The following NECTIN2 variants were observed in gnomAD, a reference collection of about 807,000 sequenced individuals.
The protein encoded by NECTIN2 is nectin cell adhesion molecule 2.
In NECTIN2, 23 loss-of-function variants were observed where a neutral mutation model predicts 56.9. That is an observed-to-expected ratio of 0.40 (90% CI 0.29 to 0.57). The LOEUF is 0.57. NECTIN2 is among the 20% of genes least tolerant of loss of function. The probability of loss-of-function intolerance (pLI) is 0.38; values close to 1 mark genes in which losing one functional copy is unlikely to be tolerated. For missense variants in NECTIN2, 587 were observed against 718.3 expected (o/e 0.82, Z 2.09); for synonymous variants, 302 against 313.8 (o/e 0.96, Z 0.40).
chr19:44,887,644 T>C (rs1435444846), intron 8 of NECTIN2, among the ~76,000 whole-genome samples: 1 of 151,924 alleles, frequency 6.6e-6, no homozygotes, highest in African/African-American at 2.4e-5. Flanking sequence ...AAACTCCGTC[T>C]CAACAACAAA....
chr19:44,886,271 C>T lies in NECTIN2; in HGVS notation c.1347+52C>T, dbSNP rs564167167. On this transcript the variant is annotated intron_variant, in intron 8 of 8. Transcript: ENST00000252483. ...GGGTTGGGGGTCTGGGTTGAAGGGC[C>T]AGGGGTCAGGCCTGGCAAAAGAGGT... is the stretch of plus-strand genomic sequence containing the variant. 2.1e-4 allele frequency: 303 copies of T among 1,461,890 alleles called. 2 individuals are homozygous for T. Among genetic ancestry groups the T allele is most frequent in the East Asian group, 1.1e-4 (5 of 43,980 alleles). 90.6% of individuals were successfully genotyped at this position (1,461,890 alleles called of 1,614,324 possible). A position where few individuals can be genotyped will look rare whatever the true frequency, so the allele number is the denominator to read the frequency against.
At chr19:44,868,744 T>C (rs1266480671) in intron 2 of NECTIN2, among the ~76,000 whole-genome samples, 3 of 151,714 alleles carry the variant, frequency 2.0e-5, no homozygotes, top group Non-Finnish European at 2.9e-5. Context: ...AAACCCCATC[T>C]CTACTAAAAA....
Position 44,846,621 on chromosome 19 carries a change from G to T in NECTIN2, c.88+8G>T, listed in dbSNP as rs919966335. 3.3e-6 allele frequency: 5 copies of T among 1,524,168 alleles called. No homozygotes were observed. Among genetic ancestry groups the T allele is most frequent in the Middle Eastern group, 1.9e-4 (1 of 5,214 alleles). The allele number at this position is 1,524,168 out of a possible 1,614,324, so 94.4% of individuals were successfully genotyped here. On this transcript the variant is annotated splice_region_variant and intron_variant, in intron 1 of 8. Transcript: ENST00000252483. ...TGCTGCTCCTGGAAACCGGTGAGAC[G>T]AGCGGACGGCCCCCTGCCCTCGCGC... is the stretch of plus-strand genomic sequence containing the variant.
chr19:44,856,415 T>C (rs1447436008), intron 1 of NECTIN2, among the ~76,000 whole-genome samples: 1 of 152,234 alleles, frequency 6.6e-6, no homozygotes, highest in East Asian at 1.9e-4. Flanking sequence ...CATCTATCTC[T>C]GCTCAGCCCA....
chr19:44,869,818 G>A lies in NECTIN2; in HGVS notation c.479-2035G>A, dbSNP rs181342180. On this transcript the variant is annotated intron_variant, in intron 2 of 8. Transcript: ENST00000252483. Reference sequence around the variant, plus strand: ...ATAAAAATTAGCTAGGAATGGTGGCGCACACCTGTAATCCCAGCTACTCAG... The same window carrying A: ...ATAAAAATTAGCTAGGAATGGTGGCACACACCTGTAATCCCAGCTACTCAG... 2.1e-3 allele frequency among the ~76,000 whole-genome samples: 324 copies of A among 151,750 alleles called. 7 individuals carry two copies. Among genetic ancestry groups the A allele is most frequent in the Admixed American group, 0.02 (297 of 15,200 alleles).
In NECTIN2 at chr19:44,871,865, A is replaced by T. The variant is rs1285886655; in HGVS notation, c.491A>T (p.Asn164Ile). 2.5e-6 allele frequency: 4 copies of T among 1,612,580 alleles called. No homozygotes were observed. The highest frequency in any genetic ancestry group is 3.4e-6 in the Non-Finnish European group (4 of 1,178,814). Residue 164 changes from asparagine (N) to isoleucine (I), a missense_variant, in exon 3 of 9, where the codon AAC becomes ATC. Coordinates refer to ENST00000252483, the MANE Select transcript of NECTIN2 (RefSeq NM_001042724.2). ...TWLRVIAKPK[N>I]QAEAQKVTFS... ...CTCCTCTCCCCAGCCAAGCCCAAGA[A>T]CCAAGCTGAGGCCCAGAAGGTCACG... is the stretch of plus-strand genomic sequence containing the variant.
intron 5 of NECTIN2, chr19:44,878,889 C>A: frequency 7.8e-7 from 1 of 1,282,100 alleles, no homozygotes; most frequent in Non-Finnish European, 9.8e-7. Flanking sequence ...CTCCAGCCTT[C>A]CCCTGGCCCC....
At chr19:44,873,030 A>G (rs1251053035) in intron 3 of NECTIN2, among the ~76,000 whole-genome samples, 2 of 151,676 alleles carry the variant, frequency 1.3e-5, no homozygotes, top group Admixed American at 1.3e-4. Context: ...CACACCTCGT[A>G]ATGTTACCCA....
intron 1 of NECTIN2, among the ~76,000 whole-genome samples, chr19:44,856,488 C>T (rs916977401): frequency 2.0e-5 from 3 of 152,294 alleles, no homozygotes; most frequent in African/African-American, 4.8e-5. Flanking sequence ...GAACCCGCAA[C>T]GGCTCCCACT....
At position 44,871,889 on chromosome 19, in the gene NECTIN2, C is replaced by G. The variant is rs566602071; in HGVS notation, c.515C>G (p.Thr172Arg). The change falls in exon 3 of 9, where the codon ACG (threonine) becomes AGG (arginine). Residue 172 changes from threonine to arginine, a missense_variant. Thr to Arg is a moderately conservative substitution (Grantham distance 71). Transcript: ENST00000252483. ...AACCAAGCTGAGGCCCAGAAGGTCACGTTCAGCCAGGACCCTACGACAGTG... is the reference window on the plus strand; with the variant it reads ...AACCAAGCTGAGGCCCAGAAGGTCAGGTTCAGCCAGGACCCTACGACAGTG... ...PKNQAEAQKV[T>R]FSQDPTTVAL... The G allele has an allele frequency of 1.9e-6, 3 of 1,614,082 alleles. No homozygotes were observed. Among genetic ancestry groups the G allele is most frequent in the East Asian group, 2.2e-5 (1 of 44,870 alleles).
intron 1 of NECTIN2, among the ~76,000 whole-genome samples, chr19:44,855,652 A>G (rs1161084252): frequency 2.0e-5 from 3 of 152,068 alleles, no homozygotes; most frequent in Non-Finnish European, 4.4e-5. Flanking sequence ...TTATTTGTGC[A>G]ATATTTGTAC....
intron 1 of NECTIN2, among the ~76,000 whole-genome samples, chr19:44,855,604 C>G (rs1374403429): frequency 1.3e-5 from 2 of 152,058 alleles, no homozygotes; most frequent in African/African-American, 2.4e-5. Context: ...TCCTCCCATA[C>G]CACCCCTACT....
intron 1 of NECTIN2, among the ~76,000 whole-genome samples, chr19:44,857,697 G>A (rs575867010): frequency 1.4e-5 from 2 of 146,724 alleles, no homozygotes; most frequent in South Asian, 2.1e-4. Context: ...CCATCGTGCC[G>A]GGTTTTTGTT....
intron 3 of NECTIN2, among the ~76,000 whole-genome samples, chr19:44,873,449 A>G (rs1373319632): frequency 1.3e-5 from 2 of 152,182 alleles, no homozygotes; most frequent in African/African-American, 4.8e-5. Context: ...CCTGGGCAAC[A>G]TGGTGAAACC....
chr19:44,885,610 C>A (rs1371748493), intron 6 of NECTIN2, among the ~76,000 whole-genome samples: 1 of 152,140 alleles, frequency 6.6e-6, no homozygotes, highest in Admixed American at 6.6e-5. Context: ...CTGCCCCCAG[C>A]CCAACACAGA....
Position 44,874,454 on chromosome 19 carries a change from G to A in NECTIN2, c.1018G>A (p.Ala340Thr), listed in dbSNP as rs760547048. The stretch of plus-strand genomic sequence containing the variant: ...CACCAATGCCGTGGGCATGGGCCGC[G>A]CTGAGCAGGTCATCTTTGTCCGAGG... Reference protein sequence around the residue: ...TVTNAVGMGRAEQVIFVRETP... With the variant: ...TVTNAVGMGRTEQVIFVRETP... Residue 340 changes from alanine to threonine, a missense_variant, in exon 5 of 9, where the codon GCT (alanine) becomes ACT (threonine). Ala to Thr is a moderately conservative substitution (Grantham distance 58). Coordinates refer to ENST00000252483, the MANE Select transcript of NECTIN2 (RefSeq NM_001042724.2). This position sits in a 1 kb window ranked among gnomAD's most constrained non-coding sequence, Gnocchi z 6.3. The A allele has an allele frequency of 3.1e-6, 5 of 1,613,832 alleles. No homozygotes were observed. Among genetic ancestry groups the A allele is most frequent in the Non-Finnish European group, 4.2e-6 (5 of 1,180,044 alleles).
intron 1 of NECTIN2, among the ~76,000 whole-genome samples, chr19:44,860,274 G>A (rs189329593): frequency 6.2e-4 from 94 of 152,112 alleles, no homozygotes; most frequent in African/African-American, 2.2e-3. Flanking sequence ...CCCGTAATCC[G>A]AACACTTTGG....
At chr19:44,884,198 G>A (rs923025132) in intron 6 of NECTIN2, among the ~76,000 whole-genome samples, 5 of 152,066 alleles carry the variant, frequency 3.3e-5, no homozygotes, top group African/African-American at 1.2e-4. Context: ...ATCTCACTCT[G>A]TCCCTCAGGC....
chr19:44,851,519 C>T (rs2122627992), intron 1 of NECTIN2, among the ~76,000 whole-genome samples: 1 of 152,320 alleles, frequency 6.6e-6, no homozygotes, highest in East Asian at 1.9e-4. Flanking sequence ...CCTTGGTCTA[C>T]CCATCCCTGG....
Sources: gnomAD v4.1 joint callset for allele counts (sites outside exome capture counted in the v4.1 genomes callset) on GRCh38, gnomAD v4.1.1 for gene constraint, Gnocchi (gnomAD v3.1) non-coding constraint, MANE v1.5 for transcripts, NCBI Gene and HGNC (gene_info 2026-07-23, HGNC 2026-07-21) for gene names.